The following GRK5 variants were observed in gnomAD, a reference collection of about 807,000 sequenced individuals.
GRK5 encodes g protein-coupled receptor kinase GRK5.
In GRK5, 40 loss-of-function variants were observed where a neutral mutation model predicts 78.4. The observed-to-expected ratio is 0.51, with a 90% CI of 0.40 to 0.66. The LOEUF is 0.66. Ranked by LOEUF, GRK5 falls within the 30% of genes least tolerant of loss-of-function variation. GRK5 has a pLI of 0.00. For synonymous variants in GRK5, 289 were observed against 296.8 expected (o/e 0.97, Z 0.27); for missense variants, 598 against 759.9 (o/e 0.79, Z 2.50).
At chr10:119,401,798 G>A (rs181484873) in intron 4 of GRK5, among the ~76,000 whole-genome samples, 313 of 152,280 alleles carry the variant, frequency 2.1e-3, no homozygotes, top group African/African-American at 7.3e-3. Flanking sequence ...AGGAAGGGTC[G>A]GGAGGGCCTC....
intron 1 of GRK5, among the ~76,000 whole-genome samples, chr10:119,278,985 C>T (rs918115618): frequency 5.3e-5 from 8 of 152,228 alleles, no homozygotes; most frequent in Non-Finnish European, 1.0e-4. Flanking sequence ...TCAAGCAATT[C>T]TCCCACCTCT....
intron 3 of GRK5, among the ~76,000 whole-genome samples, chr10:119,390,749 C>G (rs142980123): frequency 1.3e-5 from 2 of 152,106 alleles, no homozygotes; most frequent in African/African-American, 2.4e-5. Flanking sequence ...TTCACTATCC[C>G]GAGAACAGTA....
At chr10:119,256,515 T>C (rs925588538) in intron 1 of GRK5, among the ~76,000 whole-genome samples, 1 of 152,194 alleles carries the variant, frequency 6.6e-6, no homozygotes, top group Non-Finnish European at 1.5e-5. Context: ...TGCTGCCTCC[T>C]GTACACAGTA....
rs933026682 is a variant in GRK5, at chr10:119,455,262, C to T, written c.*195C>T. The T allele has an allele frequency of 8.6e-6, 6 of 699,950 alleles. No homozygotes were observed. Among genetic ancestry groups the T allele is most frequent in the African/African-American group, 3.5e-5 (2 of 57,208 alleles). 43.4% of individuals were successfully genotyped at this position (699,950 alleles called of 1,614,324 possible). A position where few individuals can be genotyped will look rare whatever the true frequency, so the allele number is the denominator to read the frequency against. On this transcript the variant is annotated 3_prime_UTR_variant, in exon 16 of 16. Coordinates refer to ENST00000392870, the MANE Select transcript of GRK5 (RefSeq NM_005308.3). ...TTCCACTCAGGTCTGTTTTCCGAGG[C>T]GGCCCCGGCCGGGGTGGATTGGATT...
intron 2 of GRK5, among the ~76,000 whole-genome samples, chr10:119,372,303 AATCAGCTATAGAT>A (rs1468011263): frequency 6.6e-6 from 1 of 152,232 alleles, no homozygotes; most frequent in Non-Finnish European, 1.5e-5. Flanking sequence ...ACTATGTACT[AATCAGCTATAGAT>A]ATAGGCATTC....
chr10:119,378,109 C>T lies in GRK5; in HGVS notation c.149-2706C>T, dbSNP rs1192865080. On this transcript the variant is annotated intron_variant, in intron 2 of 15. Coordinates refer to ENST00000392870, the MANE Select transcript of GRK5 (RefSeq NM_005308.3). This position sits in a 1 kb window ranked among gnomAD's most constrained non-coding sequence, Gnocchi z 4.5. Reference sequence around the variant, plus strand: ...ATCTAGCTTGACATTTTATTACTGTCATTTGAGATCTTGTCTGTTCACCCA... The same window carrying T: ...ATCTAGCTTGACATTTTATTACTGTTATTTGAGATCTTGTCTGTTCACCCA... The T allele has an allele frequency of 6.5e-6, 1 of 153,932 alleles. No homozygotes were observed. The highest frequency in any genetic ancestry group is 2.4e-5 in the African/African-American group (1 of 41,498). 9.5% of individuals were successfully genotyped at this position (153,932 alleles called of 1,614,324 possible). A position where few individuals can be genotyped will look rare whatever the true frequency, so the allele number is the denominator to read the frequency against.
chr10:119,416,399 G>T (rs1039942682), intron 4 of GRK5, among the ~76,000 whole-genome samples: 8 of 152,226 alleles, frequency 5.3e-5, no homozygotes, highest in African/African-American at 1.7e-4. Context: ...CAGCATTCCT[G>T]CCAGCCGTTC....
intron 1 of GRK5, among the ~76,000 whole-genome samples, chr10:119,284,851 G>A (rs1240895376): frequency 6.6e-6 from 1 of 152,206 alleles, no homozygotes; most frequent in Non-Finnish European, 1.5e-5. Flanking sequence ...TGTCTCACTG[G>A]GGCCTCTCGT....
intron 2 of GRK5, among the ~76,000 whole-genome samples, chr10:119,328,387 T>C (rs17098718): frequency 0.045 from 6,783 of 152,168 alleles, 278 homozygotes; most frequent in East Asian, 0.22. Flanking sequence ...ACCATTTTGT[T>C]CTTCATGCTA....
At chr10:119,396,570 C>A (rs980985820) in intron 3 of GRK5, 125 bp from the exon 4 acceptor site, 2 of 743,150 alleles carry the variant, frequency 2.7e-6, no homozygotes, top group African/African-American at 1.8e-5. Flanking sequence ...GGTTTCCTGA[C>A]CTGCAGGAGA....
intron 1 of GRK5, among the ~76,000 whole-genome samples, chr10:119,260,980 G>A (rs1849376702): frequency 6.6e-6 from 1 of 150,736 alleles, no homozygotes; most frequent in Non-Finnish European, 1.5e-5. Context: ...CAGTAGGGGC[G>A]GCCGGGCAGA....
At chr10:119,434,815 C>T (rs1475179082) in intron 8 of GRK5, among the ~76,000 whole-genome samples, 1 of 152,222 alleles carries the variant, frequency 6.6e-6, no homozygotes, top group Non-Finnish European at 1.5e-5. Context: ...TGTGGGGTCT[C>T]TGACCCCACA....
chr10:119,269,545 T>A (rs1219412332), intron 1 of GRK5, among the ~76,000 whole-genome samples: 1 of 151,984 alleles, frequency 6.6e-6, no homozygotes, highest in Non-Finnish European at 1.5e-5. Flanking sequence ...AAGACTGATA[T>A]AATGGCCAGG....
intron 6 of GRK5, among the ~76,000 whole-genome samples, chr10:119,427,541 A>G (rs1207424151): frequency 1.3e-5 from 2 of 151,954 alleles, no homozygotes; most frequent in Non-Finnish European, 2.9e-5. Flanking sequence ...CATCAGTATC[A>G]CCACCATCCT....
rs1454103665 is a variant in GRK5, at chr10:119,264,908, T to C, written c.52+56939T>C. Among the ~76,000 whole-genome samples, 2 of 152,204 alleles carry C rather than the reference T, an allele frequency of 1.3e-5. No homozygotes were observed. Among genetic ancestry groups the C allele is most frequent in the African/African-American group, 4.8e-5 (2 of 41,460 alleles). ...CATTTGTTCAGAAAACTAAGGTCCA[T>C]AGAGCAAGGCACAGACCTGTCCCTG... On this transcript the variant is annotated intron_variant, in intron 1 of 15. Coordinates refer to ENST00000392870, the MANE Select transcript of GRK5 (RefSeq NM_005308.3). The surrounding 1 kb of genome is among the most constrained non-coding windows in gnomAD (Gnocchi z 4.1).
Position 119,447,987 on chromosome 10 carries a change from G to A in GRK5, c.1267-136G>A, listed in dbSNP as rs1037019066. The A allele has an allele frequency of 5.6e-6, 6 of 1,067,842 alleles. No individual in the cohort carries two copies. In the African/African-American group the frequency reaches 9.9e-5, roughly 18 times the overall value. The allele number at this position is 1,067,842 out of a possible 1,614,324, so 66.1% of individuals were successfully genotyped here. On this transcript the variant is annotated intron_variant, in intron 12 of 15. Transcript: ENST00000392870. ...AGATGCACGCCAAGACTCAGAGGCA[G>A]CCCTGAAGCAAGACCTTTGCAGGGT...
intron 1 of GRK5, among the ~76,000 whole-genome samples, chr10:119,307,940 T>C (rs558693441): frequency 1.3e-4 from 20 of 152,008 alleles, no homozygotes; most frequent in Non-Finnish European, 2.4e-4. Context: ...GTCACAGGAA[T>C]GAGGTGGGGA....
At chr10:119,425,931 C>T (rs932927975) in intron 6 of GRK5, among the ~76,000 whole-genome samples, 33 of 152,248 alleles carry the variant, frequency 2.2e-4, no homozygotes, top group African/African-American at 7.7e-4. Context: ...GCCCTGAGCC[C>T]CCAGCGCAGT....
intron 1 of GRK5, among the ~76,000 whole-genome samples, chr10:119,220,774 G>T (rs1381208669): frequency 6.6e-6 from 1 of 151,626 alleles, no homozygotes; most frequent in Non-Finnish European, 1.5e-5. Flanking sequence ...GGCGGAGGTT[G>T]TGGTGAGCTG....
Sources: allele counts gnomAD v4.1 joint callset (sites outside exome capture counted in the v4.1 genomes callset), GRCh38; gene constraint gnomAD v4.1.1; non-coding constraint Gnocchi (gnomAD v3.1); transcripts MANE v1.5; gene names NCBI Gene and HGNC (gene_info 2026-07-23, HGNC 2026-07-21).